Variants in CX3CL1 observed in about 807,000 individuals in gnomAD.
CX3CL1 encodes the protein C-X3-C motif chemokine ligand 1.
Under a neutral mutation model 14.1 loss-of-function variants are expected in CX3CL1, and 1 was observed. That is an observed-to-expected ratio of 0.07 (90% confidence interval 0.03 to 0.34). CX3CL1 has a LOEUF of 0.34. Among genes scored for constraint, CX3CL1 ranks in the 10% least tolerant of loss-of-function variants. The pLI, the probability that CX3CL1 is intolerant of heterozygous loss-of-function variation, is 0.99. For missense variants in CX3CL1, 505 were observed against 536.4 expected (o/e 0.94, Z 0.58); for synonymous variants, 255 against 229.6 (o/e 1.11, Z -1.00).
In CX3CL1 at chr16:57,382,195, G is replaced by A. The variant is rs367838902; in HGVS notation, c.357G>A (p.Gly119=). ...EVKPRTTPAA[G]GMDESVVLEP... Reference sequence around the variant, plus strand: ...AGCCCAGGACCACCCCTGCCGCCGGGGGAATGGACGAGTCTGTGGTCCTGG... The same window carrying A: ...AGCCCAGGACCACCCCTGCCGCCGGAGGAATGGACGAGTCTGTGGTCCTGG... The change falls in exon 3 of 3, where the codon GGG becomes GGA. Residue 119 remains glycine, a synonymous_variant. Coordinates refer to ENST00000006053, the MANE Select transcript of CX3CL1 (RefSeq NM_002996.6). The surrounding 1 kb of genome is among the most constrained non-coding windows in gnomAD (Gnocchi z 6.9). 14 of 1,613,546 alleles carry A rather than the reference G, an allele frequency of 8.7e-6. No homozygotes were observed. In the African/African-American group the frequency reaches 1.1e-4, roughly 12 times the overall value.
chr16:57,382,064 G>T lies in CX3CL1; in HGVS notation c.226G>T (p.Asp76Tyr). ...GAGACAGCACAGGCTGTTCTGTGCC[G>T]ACCCGAAGGAGCAATGGGTCAAGGA... Reference protein sequence around the residue: ...ETRQHRLFCADPKEQWVKDAM... With the variant: ...ETRQHRLFCAYPKEQWVKDAM... Residue 76 changes from aspartate to tyrosine, a missense_variant, in exon 3 of 3, where the codon GAC (aspartate) becomes TAC (tyrosine). Physicochemically the swap from Asp to Tyr is radical, Grantham distance 160 (BLOSUM62 -3). Transcript: ENST00000006053. The surrounding 1 kb of genome is among the most constrained non-coding windows in gnomAD (Gnocchi z 6.9). 6.2e-7 allele frequency: 1 copy of T among 1,604,750 alleles called. No individual in the cohort carries two copies. The highest frequency in any genetic ancestry group is 1.1e-5 in the South Asian group (1 of 90,480).
chr16:57,382,849 C>T lies in CX3CL1; in HGVS notation c.1011C>T (p.Ala337=). 6.4e-7 allele frequency: 1 copy of T among 1,558,104 alleles called. No homozygotes were observed. Among genetic ancestry groups the T allele is most frequent in the South Asian group, 1.2e-5 (1 of 84,334 alleles). The change falls in exon 3 of 3, where the codon GCC becomes GCT. Residue 337 remains alanine (A), a synonymous_variant. Transcript: ENST00000006053. This position sits in a 1 kb window ranked among gnomAD's most constrained non-coding sequence, Gnocchi z 6.9. The part of the protein sequence containing the change: ...LITPVPDAQA[A]TRRQAVGLLA... Reference sequence around the variant, plus strand: ...CTCCTGTCCCTGACGCCCAGGCTGCCACCCGGAGGCAGGCGGTGGGGCTGC... The same window carrying T: ...CTCCTGTCCCTGACGCCCAGGCTGCTACCCGGAGGCAGGCGGTGGGGCTGC...
chr16:57,378,973 C>G (rs1312629623), intron 1 of CX3CL1: 1 of 152,188 alleles, frequency 6.6e-6, no homozygotes, highest in African/African-American at 2.4e-5. Context: ...GGCTGTGTGA[C>G]CTTAGCAGGT....
At chr16:57,379,554 G>T in intron 1 of CX3CL1, 80 bp from the exon 2 acceptor site, 1 of 1,584,002 alleles carries the variant, frequency 6.3e-7, no homozygotes, top group Non-Finnish European at 8.6e-7. Flanking sequence ...TGGGTGGTGT[G>T]GCCGGGACAA....
At chr16:57,376,520 A>G (rs1267239294) in intron 1 of CX3CL1, among the ~76,000 whole-genome samples, 1 of 151,590 alleles carries the variant, frequency 6.6e-6, no homozygotes, top group Non-Finnish European at 1.5e-5. Context: ...GGATGGATGG[A>G]TGGATGGGTG....
rs78604892 is a variant in CX3CL1, at chr16:57,384,697, G to A, written c.*1665G>A. On this transcript the variant is annotated 3_prime_UTR_variant, in exon 3 of 3. Transcript: ENST00000006053. ...TCTGCACTCCCCTGCTGGGTGTGGCGCAGCATATTCAGGAAGCTCAGGGCC... is the reference window on the plus strand; with the variant it reads ...TCTGCACTCCCCTGCTGGGTGTGGCACAGCATATTCAGGAAGCTCAGGGCC... 0.01 allele frequency: 1,556 copies of A among 152,658 alleles called. 60 individuals are homozygous for A. The South Asian group carries it at 0.1, about 10-fold the overall frequency. The allele number at this position is 152,658 out of a possible 1,614,324, so 9.5% of individuals were successfully genotyped here. A position where few individuals can be genotyped will look rare whatever the true frequency, so the allele number is the denominator to read the frequency against.
At chr16:57,374,881 C>T (rs1473403669) in intron 1 of CX3CL1, among the ~76,000 whole-genome samples, 2 of 152,292 alleles carry the variant, frequency 1.3e-5, no homozygotes, top group East Asian at 1.9e-4. Context: ...GGGCTCATGC[C>T]TGTAATCCCA....
chr16:57,374,081 G>A (rs915399370), intron 1 of CX3CL1, among the ~76,000 whole-genome samples: 9 of 152,082 alleles, frequency 5.9e-5, no homozygotes, highest in African/African-American at 2.2e-4. Flanking sequence ...GGAAGATCCT[G>A]GGCATTATTG....
intron 1 of CX3CL1, 128 bp downstream of exon 1, chr16:57,372,766 C>G: frequency 2.3e-6 from 2 of 852,920 alleles, no homozygotes; most frequent in Non-Finnish European, 3.7e-6. Context: ...CAGCCGCTTC[C>G]CCAGGGATGT....
At position 57,383,557 on chromosome 16, in the gene CX3CL1, CT is replaced by C. The variant is rs1490029566; in HGVS notation, c.*527del. The stretch of plus-strand genomic sequence containing the variant: ...CGCCCCCACTGGTGACATGTCTTTT[CT>C]TGCATGAGGCTAGTGTGGTGTTTCC... On this transcript the variant is annotated 3_prime_UTR_variant, in exon 3 of 3. Transcript: ENST00000006053. 6.5e-6 allele frequency: 1 copy of C among 153,112 alleles called. No individual in the cohort carries two copies. Among genetic ancestry groups the C allele is most frequent in the Non-Finnish European group, 1.5e-5 (1 of 68,358 alleles). The allele number at this position is 153,112 out of a possible 1,614,324, so 9.5% of individuals were successfully genotyped here. A position where few individuals can be genotyped will look rare whatever the true frequency, so the allele number is the denominator to read the frequency against.
chr16:57,382,398 G>C lies in CX3CL1; in HGVS notation c.560G>C (p.Arg187Pro), dbSNP rs766949258. 6.2e-7 allele frequency: 1 copy of C among 1,612,094 alleles called. No homozygotes were observed. Among genetic ancestry groups the C allele is most frequent in the South Asian group, 1.1e-5 (1 of 91,066 alleles). ...GGGCCTGTGGGCACGGAGCTTTTCCGAGTGCCTCCCGTCTCCACTGCCGCC... is the reference window on the plus strand; with the variant it reads ...GGGCCTGTGGGCACGGAGCTTTTCCCAGTGCCTCCCGTCTCCACTGCCGCC... ...DGGPVGTELF[R>P]VPPVSTAATW... The change falls in exon 3 of 3, where the codon CGA becomes CCA. Residue 187 changes from arginine to proline, a missense_variant. Coordinates refer to ENST00000006053, the MANE Select transcript of CX3CL1 (RefSeq NM_002996.6). This position sits in a 1 kb window ranked among gnomAD's most constrained non-coding sequence, Gnocchi z 6.9.
At chr16:57,376,109 G>A (rs1391078481) in intron 1 of CX3CL1, among the ~76,000 whole-genome samples, 3 of 152,218 alleles carry the variant, frequency 2.0e-5, no homozygotes, top group African/African-American at 7.2e-5. Flanking sequence ...CACAGTAGGT[G>A]TTCAATTAAA....
In CX3CL1 at chr16:57,379,686, A is replaced by G. The variant is rs989465554; in HGVS notation, c.123A>G (p.Ser41=). Residue 41 remains serine, a synonymous_variant, in exon 2 of 3, where the codon TCA becomes TCG. Transcript: ENST00000006053. ...ACATCACGTGCAGCAAGATGACATC[A>G]AAGATACCTGTAGCTTTGCTCATCC... ...KCNITCSKMT[S]KIPVALLIHY... is the part of the protein sequence containing the mutation. 7.4e-6 allele frequency: 12 copies of G among 1,614,136 alleles called. No homozygotes were observed. Among genetic ancestry groups the G allele is most frequent in the African/African-American group, 1.3e-5 (1 of 74,946 alleles).
In CX3CL1 at chr16:57,382,387, G is replaced by T; in HGVS notation, c.549G>T (p.Thr183=). The T allele has an allele frequency of 6.2e-7, 1 of 1,611,726 alleles. No homozygotes were observed. Among genetic ancestry groups the T allele is most frequent in the Non-Finnish European group, 8.5e-7 (1 of 1,179,970 alleles). ...PKAQDGGPVG[T]ELFRVPPVST... Reference sequence around the variant, plus strand: ...CTCAGGATGGAGGGCCTGTGGGCACGGAGCTTTTCCGAGTGCCTCCCGTCT... The same window carrying T: ...CTCAGGATGGAGGGCCTGTGGGCACTGAGCTTTTCCGAGTGCCTCCCGTCT... The change falls in exon 3 of 3, where the codon ACG becomes ACT. Residue 183 remains threonine, a synonymous_variant. Transcript: ENST00000006053. The surrounding 1 kb of genome is among the most constrained non-coding windows in gnomAD (Gnocchi z 6.9).
At chr16:57,380,839 G>C (rs118190129) in intron 2 of CX3CL1, among the ~76,000 whole-genome samples, 2,859 of 152,248 alleles carry the variant, frequency 0.019, 35 homozygotes, top group South Asian at 0.034. Flanking sequence ...AGACCTAGAG[G>C]CCGGGCAGCA....
rs190569013 is a variant in CX3CL1, at chr16:57,372,543, G to A, written c.-26G>A. The A allele has an allele frequency of 6.7e-5, 107 of 1,607,722 alleles. 1 individual carries two copies. The highest frequency in any genetic ancestry group is 1.5e-4 in the South Asian group (14 of 91,012). On this transcript the variant is annotated 5_prime_UTR_variant, in exon 1 of 3. Transcript: ENST00000006053. ...GGCTCTAGCCGCCTGCCTGGCCCCC[G>A]CCGGGACTCTTGCCCACCCTCAGCC...
intron 1 of CX3CL1, among the ~76,000 whole-genome samples, chr16:57,374,044 G>A (rs1902213322): frequency 6.6e-6 from 1 of 152,150 alleles, no homozygotes; most frequent in Admixed American, 6.5e-5. Flanking sequence ...CCAGGCTTCT[G>A]CCCTCATCTT....
intron 2 of CX3CL1, 52 bp downstream of exon 2, chr16:57,379,806 TC>T: frequency 6.2e-7 from 1 of 1,602,896 alleles, no homozygotes; most frequent in Non-Finnish European, 8.5e-7. Context: ...CTTGGAATAT[TC>T]CCAGACCTCT....
At chr16:57,378,025 CTG>C (rs1331395229) in intron 1 of CX3CL1, 2 of 152,266 alleles carry the variant, frequency 1.3e-5, no homozygotes, top group Non-Finnish European at 2.9e-5. Flanking sequence ...CAGCTACTGC[CTG>C]CCCCTTCCGC....
Sources: gnomAD v4.1 joint callset for allele counts (sites outside exome capture counted in the v4.1 genomes callset) on GRCh38, gnomAD v4.1.1 for gene constraint, Gnocchi (gnomAD v3.1) non-coding constraint, MANE v1.5 for transcripts, NCBI Gene and HGNC (gene_info 2026-07-23, HGNC 2026-07-21) for gene names.